Variants in KANK1 observed in about 807,000 individuals in gnomAD.
The protein encoded by KANK1 is KN motif and ankyrin repeat domains 1.
In KANK1, 109 loss-of-function variants were observed where a neutral mutation model predicts 106.2. The ratio of observed to expected loss-of-function variants is 1.03; its 90% CI spans 0.88 to 1.20. The LOEUF (loss-of-function observed/expected upper bound fraction) is 1.20, where lower values mean the gene tolerates loss of function less well. Ranked by LOEUF, KANK1 falls within the 50% of genes most tolerant of loss-of-function variation. KANK1 has a pLI of 0.00. For synonymous variants in KANK1, 873 were observed against 652.2 expected, an observed-to-expected ratio of 1.34 and a Z score of -5.16; for missense variants, 2,399 against 1,710.7, an observed-to-expected ratio of 1.40 and a Z score of -7.10.
At chr9:536,952 G>T (rs942665894) in intron 1 of KANK1, among the ~76,000 whole-genome samples, 1 of 152,144 alleles carries the variant, frequency 6.6e-6, no homozygotes, top group Non-Finnish European at 1.5e-5. Context: ...CTGGCAGCAC[G>T]CACCTTGCAG....
chr9:741,063 CTGAGTCCATACACTGCCT>C (rs1270282224), intron 9 of KANK1, 129 bp downstream of exon 9: 1 of 998,258 alleles, frequency 1.0e-6, no homozygotes, highest in African/African-American at 1.7e-5. Flanking sequence ...CAGGCCTGCC[CTGAGTCCATACACTGCCT>C]GGCACTCCTT....
Position 710,977 on chromosome 9 carries a change from G to A in KANK1, c.211G>A (p.Val71Met), listed in dbSNP as rs776996143. 2.9e-5 allele frequency: 46 copies of A among 1,614,024 alleles called. No homozygotes were observed. Among genetic ancestry groups the A allele is most frequent in the Admixed American group, 2.2e-4 (13 of 59,996 alleles). ...LNIQKRRKPS[V>M]PCPEPRTTSG... ...CATCCAGAAGAGGCGGAAGCCGTCCGTGCCATGCCCAGAACCCAGGACCAC... is the reference window on the plus strand; with the variant it reads ...CATCCAGAAGAGGCGGAAGCCGTCCATGCCATGCCCAGAACCCAGGACCAC... The change falls in exon 3 of 12, where the codon GTG becomes ATG. Residue 71 changes from valine (V) to methionine (M), a missense_variant. By Grantham distance (21) the Val-to-Met change is conservative. Transcript: ENST00000382297.
intron 1 of KANK1, among the ~76,000 whole-genome samples, chr9:577,328 A>C (rs1820842690): frequency 6.6e-6 from 1 of 151,834 alleles, no homozygotes; most frequent in Non-Finnish European, 1.5e-5. Flanking sequence ...TTGGTGTGTT[A>C]TTACAGAGTG....
At chr9:708,772 G>A (rs928591417) in intron 2 of KANK1, among the ~76,000 whole-genome samples, 1 of 152,154 alleles carries the variant, frequency 6.6e-6, no homozygotes, top group African/African-American at 2.4e-5. Context: ...TCAGGAGAGG[G>A]CAGGGAGACT....
intron 1 of KANK1, among the ~76,000 whole-genome samples, chr9:594,234 C>G (rs748544809): frequency 6.6e-6 from 1 of 151,810 alleles, no homozygotes; most frequent in Non-Finnish European, 1.5e-5. Context: ...TTATGTTTTT[C>G]TGCCTTTAAT....
In KANK1 at chr9:518,751, C is replaced by T. The variant is rs193107431; in HGVS notation, c.-84+13997C>T. ...TAGAGGAGCGGAGAAAGGGCGGTGA[C>T]CCTGTATGACATACAGTGAACAAGA... On this transcript the variant is annotated intron_variant, in intron 1 of 11. Transcript: ENST00000382297. Among the ~76,000 whole-genome samples the T allele has an allele frequency of 1.1e-3, 173 of 151,584 alleles. 9 individuals are homozygous for T. Among genetic ancestry groups the T allele is most frequent in the African/African-American group, 3.9e-3 (158 of 40,976 alleles).
At chr9:676,841 T>C in intron 1 of KANK1, 49 bp from the exon 2 acceptor site, 1 of 701,908 alleles carries the variant, frequency 1.4e-6, no homozygotes. Context: ...ATTTAGTTTG[T>C]ACATTTTTTA....
At chr9:671,586 A>C (rs1266590816) in intron 1 of KANK1, among the ~76,000 whole-genome samples, 2 of 129,794 alleles carry the variant, frequency 1.5e-5, no homozygotes, top group African/African-American at 3.3e-5. Flanking sequence ...ACTGTGCTCC[A>C]GCCTGGGTGA....
chr9:614,274 T>G (rs1350846529), intron 1 of KANK1, among the ~76,000 whole-genome samples: 1 of 152,188 alleles, frequency 6.6e-6, no homozygotes, highest in Admixed American at 6.5e-5. Flanking sequence ...TTTGTTTAAA[T>G]TGTTTCTAGC....
At chr9:602,466 G>A (rs1177065850) in intron 1 of KANK1, among the ~76,000 whole-genome samples, 1 of 151,566 alleles carries the variant, frequency 6.6e-6, no homozygotes, top group African/African-American at 2.4e-5. Flanking sequence ...CACCATGTTG[G>A]CCAGGATGGT....
chr9:524,951 C>T (rs2059715933), intron 1 of KANK1, among the ~76,000 whole-genome samples: 1 of 140,780 alleles, frequency 7.1e-6, no homozygotes, highest in South Asian at 2.3e-4. Context: ...TGCTTTATTG[C>T]TTTGGTTAGT....
chr9:665,590 G>C (rs1040500546), intron 1 of KANK1, among the ~76,000 whole-genome samples: 2 of 152,176 alleles, frequency 1.3e-5, no homozygotes, highest in Non-Finnish European at 2.9e-5. Context: ...ATATTTTTAA[G>C]TCAAGTAGTG....
At chr9:647,875 A>G (rs541192146) in intron 1 of KANK1, among the ~76,000 whole-genome samples, 6 of 150,780 alleles carry the variant, frequency 4.0e-5, no homozygotes, top group African/African-American at 1.5e-4. Flanking sequence ...GTTGAAGTCC[A>G]TGGAAATCAG....
rs1836469657 is a variant in KANK1, at chr9:744,001, C to T, written c.3898-490C>T. Among the ~76,000 whole-genome samples, 4 of 152,266 alleles carry T rather than the reference C, an allele frequency of 2.6e-5. No homozygotes were observed. In the South Asian group the frequency reaches 6.2e-4, roughly 24 times the overall value. On this transcript the variant is annotated intron_variant, in intron 10 of 11. Transcript: ENST00000382297. ...TATGTAGTGTTTCCCCTCTTATTTC[C>T]AGAAGTTGGATCTGTGCAACCCACT...
intron 3 of KANK1, among the ~76,000 whole-genome samples, chr9:485,387 T>C (rs4740798): frequency 0.24 from 35,989 of 152,142 alleles, 5,152 homozygotes; most frequent in East Asian, 0.46. Flanking sequence ...ATTTTCAAAG[T>C]AACCACAAAA....
intron 1 of KANK1, among the ~76,000 whole-genome samples, chr9:624,343 ATGTG>A (rs995136694): frequency 9.2e-5 from 14 of 152,120 alleles, no homozygotes; most frequent in African/African-American, 3.4e-4. Flanking sequence ...GAGGGTAACT[ATGTG>A]TGATGACAGA....
chr9:711,236 C>G lies in KANK1; in HGVS notation c.470C>G (p.Thr157Arg), dbSNP rs750443512. The change falls in exon 3 of 12, where the codon ACA becomes AGA. Residue 157 changes from threonine (T) to arginine (R), a missense_variant. Physicochemically the swap from Thr to Arg is moderately conservative, Grantham distance 71. Transcript: ENST00000382297. Reference sequence around the variant, plus strand: ...AAGCATAACCTTCATGTCACCAAGACACTGATGGAGACCCGGAGAAGACTG... The same window carrying G: ...AAGCATAACCTTCATGTCACCAAGAGACTGATGGAGACCCGGAGAAGACTG... ...LPKHNLHVTK[T>R]LMETRRRLEQ... 6.2e-7 allele frequency: 1 copy of G among 1,614,084 alleles called. No individual in the cohort carries two copies. The highest frequency in any genetic ancestry group is 1.7e-5 in the Admixed American group (1 of 60,006).
chr9:496,780 C>T (rs2058464903), intron 3 of KANK1, among the ~76,000 whole-genome samples: 1 of 152,080 alleles, frequency 6.6e-6, no homozygotes, highest in African/African-American at 2.4e-5. Context: ...ACTTTCAGCA[C>T]AGCAGGCCTT....
chr9:518,346 C>CAG (rs1230399064), intron 1 of KANK1, among the ~76,000 whole-genome samples: 2 of 151,772 alleles, frequency 1.3e-5, no homozygotes, highest in South Asian at 2.1e-4. Context: ...GCTCCGCTCC[C>CAG]AGGCTGGGTT....
Sources: allele counts gnomAD v4.1 joint callset (sites outside exome capture counted in the v4.1 genomes callset), GRCh38; gene constraint gnomAD v4.1.1; transcripts MANE v1.5; gene names NCBI Gene and HGNC (gene_info 2026-07-23, HGNC 2026-07-21).